PRELID2: variants seen among roughly 807,000 people sequenced by gnomAD.
PRELID2 encodes PRELI domain containing 2, also known as PRELI domain-containing protein 2.
PRELID2 carries 25 observed loss-of-function variants against 28.4 expected under a neutral mutation model. The observed-to-expected ratio is 0.88, with a 90% CI of 0.64 to 1.23. PRELID2 has a LOEUF of 1.23. Ranked by LOEUF, PRELID2 falls within the 50% of genes most tolerant of loss-of-function variation. The pLI is 0.00. For synonymous variants in PRELID2, 76 were observed against 71.6 expected (o/e 1.06, Z -0.31); for missense variants, 201 against 214.4 (o/e 0.94, Z 0.39).
intron 1 of PRELID2, among the ~76,000 whole-genome samples, chr5:145,727,014 G>A (rs1045041304): frequency 8.5e-5 from 13 of 152,202 alleles, no homozygotes; most frequent in Non-Finnish European, 1.3e-4. Context: ...GTGGGTCCAG[G>A]GGGCCAACGT....
At chr5:145,693,634 C>T (rs1372963223) in intron 1 of PRELID2, among the ~76,000 whole-genome samples, 5 of 151,980 alleles carry the variant, frequency 3.3e-5, no homozygotes, top group Non-Finnish European at 5.9e-5. Context: ...TTAGCCAGGC[C>T]ATGGTGGTGT....
intron 1 of PRELID2, among the ~76,000 whole-genome samples, chr5:145,608,823 C>T (rs1312640372): frequency 1.3e-5 from 2 of 152,178 alleles, no homozygotes; most frequent in Admixed American, 6.5e-5. Context: ...GGATGATATC[C>T]TGAAATATGT....
At chr5:145,625,091 C>A (rs573272639) in intron 1 of PRELID2, among the ~76,000 whole-genome samples, 2 of 152,054 alleles carry the variant, frequency 1.3e-5, no homozygotes, top group Non-Finnish European at 2.9e-5. Flanking sequence ...TTGGCTAATA[C>A]GTAAGGATCT....
chr5:145,807,496 A>T (rs1753594727), intron 4 of PRELID2, among the ~76,000 whole-genome samples: 1 of 152,098 alleles, frequency 6.6e-6, no homozygotes, highest in African/African-American at 2.4e-5. Context: ...TTAAGTCTTC[A>T]CATCACTCTG....
the PRELID2 span, chr5:145,229,468 C>T: frequency 1.1e-6 from 1 of 942,794 alleles, no homozygotes; most frequent in Non-Finnish European, 1.7e-6. Flanking sequence ...CCAAAGCCCC[C>T]AACACCCCTG....
the PRELID2 span, among the ~76,000 whole-genome samples, chr5:145,360,785 A>G: frequency 3.9e-5 from 6 of 152,142 alleles, no homozygotes; most frequent in Admixed American, 1.3e-4. Context: ...CTCTACTTCT[A>G]TTTCTAGTTC....
chr5:145,323,437 T>C, the PRELID2 span, among the ~76,000 whole-genome samples: 1 of 152,230 alleles, frequency 6.6e-6, no homozygotes. Context: ...AAGACGTCTC[T>C]GGCCACTGTG....
chr5:145,770,780 T>A (rs1758052552), intron 5 of PRELID2, among the ~76,000 whole-genome samples: 1 of 152,192 alleles, frequency 6.6e-6, no homozygotes, highest in Non-Finnish European at 1.5e-5. Context: ...AAAAAGTTTC[T>A]AGAATAAGGA....
the PRELID2 span, among the ~76,000 whole-genome samples, chr5:145,330,504 G>A: frequency 2.0e-5 from 3 of 152,186 alleles, no homozygotes; most frequent in Non-Finnish European, 2.9e-5. Flanking sequence ...AGTCTTGGGA[G>A]AGCGTATGTG....
Position 145,596,867 on chromosome 5 carries a change from A to C in PRELID2, n.71-123552T>G, listed in dbSNP as rs147658839. On this transcript the variant is annotated intron_variant and non_coding_transcript_variant, in intron 1 of 2. Transcript: ENST00000510259. ...TTGAGAAGCAGAATTAAAATATTTTATGCTAAAGAAACTGCTCACTAATGG... is the reference window on the plus strand; with the variant it reads ...TTGAGAAGCAGAATTAAAATATTTTCTGCTAAAGAAACTGCTCACTAATGG... 5.9e-5 allele frequency among the ~76,000 whole-genome samples: 9 copies of C among 152,302 alleles called. No individual in the cohort carries two copies. In the East Asian group the frequency reaches 1.7e-3, roughly 29 times the overall value.
chr5:145,711,098 G>A (rs919926977), intron 1 of PRELID2, among the ~76,000 whole-genome samples: 1 of 152,068 alleles, frequency 6.6e-6, no homozygotes, highest in African/African-American at 2.4e-5. Flanking sequence ...CATTCAAGAG[G>A]ATCAATACCT....
intron 1 of PRELID2, among the ~76,000 whole-genome samples, chr5:145,549,874 C>T (rs963153965): frequency 1.3e-5 from 2 of 151,934 alleles, no homozygotes; most frequent in Non-Finnish European, 1.5e-5. Flanking sequence ...CTCCTTAATC[C>T]AAAATCCTAT....
chr5:145,496,009 T>C (rs966643677), intron 1 of PRELID2, among the ~76,000 whole-genome samples: 3 of 152,164 alleles, frequency 2.0e-5, no homozygotes, highest in African/African-American at 7.2e-5. Flanking sequence ...TTAGCTCAGA[T>C]ACCAGTCAAT....
At chr5:145,517,841 G>A (rs1480519015) in intron 1 of PRELID2, among the ~76,000 whole-genome samples, 1 of 152,092 alleles carries the variant, frequency 6.6e-6, no homozygotes, top group Admixed American at 6.6e-5. Context: ...GTCCTTTGCA[G>A]GGACATGGAT....
At chr5:145,712,784 T>C (rs1248294444) in intron 1 of PRELID2, among the ~76,000 whole-genome samples, 3 of 151,988 alleles carry the variant, frequency 2.0e-5, no homozygotes, top group African/African-American at 7.2e-5. Context: ...TCAAAGGATC[T>C]AGTGGAAAAG....
At position 145,612,926 on chromosome 5, in the gene PRELID2, T is replaced by A. The variant is rs570424607; in HGVS notation, n.71-139611A>T. Among the ~76,000 whole-genome samples the A allele has an allele frequency of 8.5e-4, 130 of 152,352 alleles. 1 individual carries two copies. The highest frequency in any genetic ancestry group is 1.4e-3 in the Non-Finnish European group (95 of 68,036). On this transcript the variant is annotated intron_variant and non_coding_transcript_variant, in intron 1 of 2. Coordinates refer to the PRELID2 transcript ENST00000510259. ...TGCTATAAACATGCATGTGCAAGTA[T>A]CTTTTTCGAGTAATGACTTATTTTC...
intron 1 of PRELID2, among the ~76,000 whole-genome samples, chr5:145,831,290 G>A (rs892405083): frequency 4.6e-5 from 7 of 152,222 alleles, no homozygotes; most frequent in African/African-American, 1.4e-4. Flanking sequence ...GGTCAAGTGG[G>A]CCTGTGGGCA....
intron 5 of PRELID2, 33 bp from the exon 6 acceptor site, chr5:145,765,033 C>T (rs1757663471): frequency 1.4e-6 from 2 of 1,436,456 alleles, no homozygotes; most frequent in Non-Finnish European, 1.9e-6. Flanking sequence ...TTAAAATGCC[C>T]TATTTCACAG....
the PRELID2 span, among the ~76,000 whole-genome samples, chr5:145,260,037 T>C: frequency 2.0e-5 from 3 of 152,128 alleles, no homozygotes; most frequent in Non-Finnish European, 2.9e-5. Flanking sequence ...TGAGATCTGG[T>C]CGTTTAAAAG....
Sources: gnomAD v4.1 joint callset for allele counts (sites outside exome capture counted in the v4.1 genomes callset) on GRCh38, gnomAD v4.1.1 for gene constraint, MANE v1.5 for transcripts, NCBI Gene and HGNC (gene_info 2026-07-23, HGNC 2026-07-21) for gene names.